Variants in SYT1 observed in about 807,000 individuals in gnomAD.
The protein encoded by SYT1 is synaptotagmin 1, also known as synaptotagmin-1.
Under a neutral mutation model 44.8 loss-of-function variants are expected in SYT1, and 8 were observed. The ratio of observed to expected loss-of-function variants is 0.18; its 90% CI spans 0.10 to 0.32. The LOEUF (loss-of-function observed/expected upper bound fraction) is 0.32, where lower values mean the gene tolerates loss of function less well. Among genes scored for constraint, SYT1 ranks in the 10% least tolerant of loss-of-function variants. The pLI is 1.00. For missense variants in SYT1, 286 were observed against 509.3 expected, an observed-to-expected ratio of 0.56 and a Z score of 4.22; for synonymous variants, 154 against 188.8, an observed-to-expected ratio of 0.82 and a Z score of 1.51.
chr12:79,379,543 C>A (rs543251170), intron 9 of SYT1, among the ~76,000 whole-genome samples: 3 of 152,268 alleles, frequency 2.0e-5, no homozygotes, highest in African/African-American at 7.2e-5. Flanking sequence ...TATGGCAAGT[C>A]CTACTTAGGC....
intron 5 of SYT1, among the ~76,000 whole-genome samples, chr12:79,290,109 T>TATACATGA (rs1879506016): frequency 6.6e-6 from 1 of 152,188 alleles, no homozygotes; most frequent in Admixed American, 6.5e-5. Context: ...TTGATAATGT[T>TATACATGA]TCTACACCGA....
intron 4 of SYT1, among the ~76,000 whole-genome samples, chr12:79,229,014 G>T (rs1276497696): frequency 5.3e-5 from 8 of 152,168 alleles, no homozygotes; most frequent in Admixed American, 5.2e-4. Context: ...GTTACCTGGG[G>T]TTTTCTGCCT....
intron 3 of SYT1, among the ~76,000 whole-genome samples, chr12:79,199,460 T>A (rs1478761900): frequency 2.0e-5 from 3 of 152,178 alleles, no homozygotes; most frequent in African/African-American, 7.2e-5. Context: ...TTACAATATG[T>A]GCCCCATATT....
intron 1 of SYT1, among the ~76,000 whole-genome samples, chr12:78,933,295 A>G (rs990476909): frequency 6.6e-6 from 1 of 152,142 alleles, no homozygotes; most frequent in African/African-American, 2.4e-5. Flanking sequence ...AATTTGGCTG[A>G]GTTATAGAGC....
intron 3 of SYT1, among the ~76,000 whole-genome samples, chr12:79,088,940 G>A (rs1877583953): frequency 6.6e-6 from 1 of 152,024 alleles, no homozygotes; most frequent in Non-Finnish European, 1.5e-5. Flanking sequence ...TCCATTTCTT[G>A]AGATGGGAGA....
intron 9 of SYT1, among the ~76,000 whole-genome samples, chr12:79,389,322 T>C (rs1314083242): frequency 6.6e-6 from 1 of 152,208 alleles, no homozygotes; most frequent in Non-Finnish European, 1.5e-5. Flanking sequence ...ATGAGCTATC[T>C]ATACGTTCCC....
chr12:79,289,800 C>A (rs1328253584), intron 5 of SYT1, among the ~76,000 whole-genome samples: 1 of 151,890 alleles, frequency 6.6e-6, no homozygotes, highest in Non-Finnish European at 1.5e-5. Flanking sequence ...CCTGAGCACA[C>A]CTAAGACAGT....
chr12:79,153,160 C>G (rs888876554), intron 3 of SYT1, among the ~76,000 whole-genome samples: 1 of 152,076 alleles, frequency 6.6e-6, no homozygotes, highest in Non-Finnish European at 1.5e-5. Context: ...GGGCTGAGTT[C>G]TAGCCCAAGA....
intron 2 of SYT1, among the ~76,000 whole-genome samples, chr12:79,017,860 A>C (rs186657491): frequency 4.9e-4 from 75 of 152,208 alleles, no homozygotes; most frequent in Non-Finnish European, 8.5e-4. Context: ...CCAAGAGTTT[A>C]GTATAGAAGT....
chr12:79,132,881 G>A (rs777003656), intron 3 of SYT1, among the ~76,000 whole-genome samples: 1 of 151,740 alleles, frequency 6.6e-6, no homozygotes, highest in Non-Finnish European at 1.5e-5. Context: ...AAGAATATGT[G>A]GTATATATAC....
chr12:79,287,117 C>CT (rs1486629125), intron 5 of SYT1, among the ~76,000 whole-genome samples: 1 of 151,436 alleles, frequency 6.6e-6, no homozygotes, highest in East Asian at 1.9e-4. Flanking sequence ...GTTTTAAACT[C>CT]TTTTTCCTCA....
intron 9 of SYT1, among the ~76,000 whole-genome samples, chr12:79,360,139 A>C (rs1883263148): frequency 6.6e-6 from 1 of 152,176 alleles, no homozygotes; most frequent in Non-Finnish European, 1.5e-5. Flanking sequence ...CAGAGGCTTA[A>C]AATGCTATGT....
At chr12:78,886,975 T>A (rs904369590) in intron 1 of SYT1, among the ~76,000 whole-genome samples, 2 of 151,938 alleles carry the variant, frequency 1.3e-5, no homozygotes, top group African/African-American at 4.8e-5. Flanking sequence ...GAAGGAATAT[T>A]TTTCTTTGAG....
At chr12:79,095,452 T>TA (rs1878062392) in intron 3 of SYT1, among the ~76,000 whole-genome samples, 1 of 151,964 alleles carries the variant, frequency 6.6e-6, no homozygotes, top group East Asian at 1.9e-4. Context: ...TTCTTTTTTT[T>TA]AATTTGATCT....
chr12:79,032,904 C>T (rs946622313), intron 2 of SYT1, among the ~76,000 whole-genome samples: 1 of 151,214 alleles, frequency 6.6e-6, no homozygotes, highest in African/African-American at 2.4e-5. Context: ...CACTTGAAAT[C>T]ACTTGCTATA....
chr12:78,872,375 T>C (rs1399743510), intron 1 of SYT1, among the ~76,000 whole-genome samples: 1 of 151,848 alleles, frequency 6.6e-6, no homozygotes, highest in African/African-American at 2.4e-5. Flanking sequence ...AGTTCTTTTA[T>C]GCCTTTGAGA....
intron 3 of SYT1, among the ~76,000 whole-genome samples, chr12:79,123,576 A>G (rs1337366512): frequency 6.6e-6 from 1 of 152,146 alleles, no homozygotes; most frequent in Non-Finnish European, 1.5e-5. Flanking sequence ...CAGTTTGTTA[A>G]CTTACAATTC....
chr12:79,403,227 C>T (rs969267451), intron 9 of SYT1, among the ~76,000 whole-genome samples: 18 of 152,182 alleles, frequency 1.2e-4, no homozygotes, highest in Middle Eastern at 6.8e-3. Flanking sequence ...ACAGGATTCC[C>T]CAGAGAAACA....
chr12:79,225,443 A>G (rs555956613), intron 4 of SYT1, among the ~76,000 whole-genome samples: 240 of 152,312 alleles, frequency 1.6e-3, no homozygotes, highest in Non-Finnish European at 2.5e-3. Context: ...AGAATGGGAA[A>G]CACAAAATCT....
Sources: gnomAD v4.1 joint callset for allele counts (sites outside exome capture counted in the v4.1 genomes callset) on GRCh38, gnomAD v4.1.1 for gene constraint, MANE v1.5 for transcripts, NCBI Gene and HGNC (gene_info 2026-07-23, HGNC 2026-07-21) for gene names.